Variants in FSTL4 observed in about 807,000 individuals in gnomAD.
FSTL4 encodes the protein follistatin like 4.
FSTL4 carries 28 observed loss-of-function variants against 78.2 expected under a neutral mutation model. The observed-to-expected ratio is 0.36, with a 90% CI of 0.27 to 0.49. The LOEUF is 0.49. FSTL4 is among the 20% of genes least tolerant of loss of function. FSTL4 has a pLI of 0.98. For missense variants in FSTL4, 922 were observed against 1,084.9 expected (o/e 0.85, Z 2.11); for synonymous variants, 422 against 440.5 (o/e 0.96, Z 0.53).
chr5:133,201,919 T>C lies in FSTL4; in HGVS notation c.1826+14A>G. On this transcript the variant is annotated intron_variant, in intron 15 of 15. Transcript: ENST00000265342. ...AGCGGGGAGTGCCTTAGAGGCATCA[T>C]GGGCCAGTCTCACCTGATGTGGTTG... 2.0e-6 allele frequency: 3 copies of C among 1,497,328 alleles called. No homozygotes were observed. The highest frequency in any genetic ancestry group is 2.8e-6 in the Non-Finnish European group (3 of 1,083,038). 92.8% of individuals were successfully genotyped at this position (1,497,328 alleles called of 1,614,324 possible). A position where few individuals can be genotyped will look rare whatever the true frequency, so the allele number is the denominator to read the frequency against.
intron 4 of FSTL4, among the ~76,000 whole-genome samples, chr5:133,346,295 C>T (rs967676383): frequency 4.6e-5 from 7 of 152,010 alleles, no homozygotes; most frequent in Admixed American, 1.3e-4. Context: ...TAATGCACGC[C>T]GGGCTTAAAA....
rs574250856 is a variant in FSTL4, at chr5:133,361,047, T to A, written c.409+39691A>T. On this transcript the variant is annotated intron_variant, in intron 4 of 15. Transcript: ENST00000265342. The surrounding 1 kb of genome is among the most constrained non-coding windows in gnomAD (Gnocchi z 4.3). ...TTCTTGGAGTTTACAAACCTCGAAA[T>A]TCTGCTCTGAGCAAGAAACCCATTT... Among the ~76,000 whole-genome samples, 71 of 152,334 alleles carry A rather than the reference T, an allele frequency of 4.7e-4. No homozygotes were observed. The highest frequency in any genetic ancestry group is 1.7e-3 in the African/African-American group (70 of 41,586).
chr5:133,383,640 C>CT (rs1755628858), intron 4 of FSTL4, among the ~76,000 whole-genome samples: 1 of 152,214 alleles, frequency 6.6e-6, no homozygotes, highest in South Asian at 2.1e-4. Context: ...CAAACATTTG[C>CT]TCTGTTAATT....
chr5:133,364,084 C>T (rs1755127118), intron 4 of FSTL4, among the ~76,000 whole-genome samples: 1 of 152,238 alleles, frequency 6.6e-6, no homozygotes, highest in African/African-American at 2.4e-5. Context: ...ACAGGGCAGC[C>T]TGGCTAAGGC....
intron 3 of FSTL4, among the ~76,000 whole-genome samples, chr5:133,432,553 G>A (rs1231387968): frequency 6.6e-6 from 1 of 152,240 alleles, no homozygotes; most frequent in Non-Finnish European, 1.5e-5. Flanking sequence ...CACACAGTGA[G>A]TGCTCAGTAA....
At position 133,380,312 on chromosome 5, in the gene FSTL4, A is replaced by T. The variant is rs574007096; in HGVS notation, c.409+20426T>A. On this transcript the variant is annotated intron_variant, in intron 4 of 15. Coordinates refer to ENST00000265342, the MANE Select transcript of FSTL4 (RefSeq NM_015082.2). The stretch of plus-strand genomic sequence containing the variant: ...AACCTTTAGCTAGACTAACAAAAAA[A>T]TTTTTTAGAAGTCTCGAATTACTAA... Among the ~76,000 whole-genome samples, 56 of 152,080 alleles carry T rather than the reference A, an allele frequency of 3.7e-4. No individual in the cohort carries two copies. In the South Asian group the frequency reaches 1.0e-2, roughly 27 times the overall value.
chr5:133,726,881 T>G, the FSTL4 span, among the ~76,000 whole-genome samples: 1 of 152,376 alleles, frequency 6.6e-6, no homozygotes, highest in East Asian at 1.9e-4. Context: ...CCACTTCACA[T>G]GCAAGATAAA....
At chr5:133,661,173 A>G in the FSTL4 span, among the ~76,000 whole-genome samples, 1 of 152,158 alleles carries the variant, frequency 6.6e-6, no homozygotes. Context: ...GTCTTTTTGT[A>G]GAGATGGGGT....
At chr5:133,477,650 G>C (rs1346517372) in intron 3 of FSTL4, among the ~76,000 whole-genome samples, 1 of 152,180 alleles carries the variant, frequency 6.6e-6, no homozygotes, top group Admixed American at 6.5e-5. Context: ...GGAAGACACG[G>C]GGGGAAAATG....
the FSTL4 span, among the ~76,000 whole-genome samples, chr5:133,791,753 C>T: frequency 6.6e-6 from 1 of 152,254 alleles, no homozygotes; most frequent in East Asian, 1.9e-4. Flanking sequence ...CCTAGGCCTC[C>T]GCCAAGGGCA....
chr5:133,287,720 C>G (rs530615323), intron 6 of FSTL4, among the ~76,000 whole-genome samples: 2 of 152,338 alleles, frequency 1.3e-5, no homozygotes, highest in South Asian at 4.1e-4. Context: ...GCACTCTGCT[C>G]TAGGATGACA....
At chr5:133,641,896 CTCT>C in the FSTL4 span, among the ~76,000 whole-genome samples, 2 of 150,616 alleles carry the variant, frequency 1.3e-5, no homozygotes, top group South Asian at 2.1e-4. Flanking sequence ...TTCCCCCCTC[CTCT>C]TCTTCTTCCT....
At chr5:133,785,850 G>A in the FSTL4 span, among the ~76,000 whole-genome samples, 181 of 152,272 alleles carry the variant, frequency 1.2e-3, no homozygotes, top group African/African-American at 4.0e-3. Flanking sequence ...TCACCTGCCC[G>A]TTCTCCCAGA....
chr5:133,709,559 T>C, the FSTL4 span, among the ~76,000 whole-genome samples: 6 of 152,276 alleles, frequency 3.9e-5, no homozygotes, highest in African/African-American at 1.4e-4. Context: ...TGCTGAGCAA[T>C]GGCTCGGGCC....
intron 4 of FSTL4, among the ~76,000 whole-genome samples, chr5:133,343,429 T>C (rs770103470): frequency 1.5e-4 from 23 of 152,206 alleles, no homozygotes; most frequent in African/African-American, 5.5e-4. Flanking sequence ...TGGGAACACC[T>C]GAGCAACTTG....
chr5:133,562,661 G>C (rs1759941484), intron 3 of FSTL4, among the ~76,000 whole-genome samples: 1 of 152,194 alleles, frequency 6.6e-6, no homozygotes, highest in African/African-American at 2.4e-5. Context: ...GCGGGAGCCA[G>C]CGCTGGGAGG....
At chr5:133,722,718 G>A in the FSTL4 span, among the ~76,000 whole-genome samples, 11 of 151,992 alleles carry the variant, frequency 7.2e-5, no homozygotes, top group South Asian at 2.1e-4. Flanking sequence ...TGGTATAATC[G>A]GCTCTCTCAA....
intron 6 of FSTL4, among the ~76,000 whole-genome samples, chr5:133,295,167 G>A (rs1290645308): frequency 2.0e-5 from 3 of 151,830 alleles, no homozygotes; most frequent in African/African-American, 4.8e-5. Flanking sequence ...TTATCCTCAC[G>A]CTCAGCCATG....
At chr5:133,443,812 G>A (rs567557595) in intron 3 of FSTL4, among the ~76,000 whole-genome samples, 4 of 152,220 alleles carry the variant, frequency 2.6e-5, no homozygotes, top group South Asian at 2.1e-4. Context: ...CACTGTCTGC[G>A]GAAACCCACT....
Sources: allele counts gnomAD v4.1 joint callset (sites outside exome capture counted in the v4.1 genomes callset), GRCh38; gene constraint gnomAD v4.1.1; non-coding constraint Gnocchi (gnomAD v3.1); transcripts MANE v1.5; gene names NCBI Gene and HGNC (gene_info 2026-07-23, HGNC 2026-07-21).